Variants in DIS3L2 observed in about 807,000 individuals in gnomAD.
DIS3L2 encodes DIS3-like exonuclease 2.
DIS3L2 carries 34 observed loss-of-function variants against 97.5 expected under a neutral mutation model. The ratio of observed to expected loss-of-function variants is 0.35; its 90% CI spans 0.27 to 0.46. DIS3L2 has a LOEUF of 0.46. Ranked by LOEUF, DIS3L2 falls within the 20% of genes least tolerant of loss-of-function variation. The pLI, the probability that DIS3L2 is intolerant of heterozygous loss-of-function variation, is 1.00. For synonymous variants in DIS3L2, 435 were observed against 445.2 expected (o/e 0.98, Z 0.29); for missense variants, 1,038 against 1,146.0 (o/e 0.91, Z 1.36).
intron 12 of DIS3L2, among the ~76,000 whole-genome samples, chr2:232,255,755 T>C (rs1574975149): frequency 6.6e-6 from 1 of 152,190 alleles, no homozygotes; most frequent in East Asian, 1.9e-4. Context: ...ACATCCCTGC[T>C]GTGTGCTGTA....
chr2:232,302,887 A>T (rs1290675277), intron 14 of DIS3L2, among the ~76,000 whole-genome samples: 1 of 152,086 alleles, frequency 6.6e-6, no homozygotes, highest in Non-Finnish European at 1.5e-5. Flanking sequence ...CATCTATAGG[A>T]TGAAGTAGGA....
intron 11 of DIS3L2, among the ~76,000 whole-genome samples, chr2:232,247,613 CCGCGGGGGGGGGGGGGGGGGGGCG>C (rs1693288949): frequency 1.6e-4 from 2 of 12,380 alleles, no homozygotes; most frequent in Non-Finnish European, 3.3e-4. Context: ...CATATAACTG[CCGCGGGGGGGGGGGGGGGGGGGCG>C]GGGGGGAGGG....
At chr2:231,999,434 G>A (rs761245740) in intron 1 of DIS3L2, among the ~76,000 whole-genome samples, 6 of 152,170 alleles carry the variant, frequency 3.9e-5, no homozygotes, top group Non-Finnish European at 8.8e-5. Flanking sequence ...ATTTGTGTGC[G>A]TATATAGACG....
intron 1 of DIS3L2, among the ~76,000 whole-genome samples, chr2:231,978,979 T>A (rs1177857100): frequency 2.0e-5 from 3 of 152,234 alleles, no homozygotes; most frequent in Non-Finnish European, 4.4e-5. Flanking sequence ...TTACATATTC[T>A]GTATATTAAT....
At chr2:232,088,728 G>T (rs1462436068) in intron 6 of DIS3L2, among the ~76,000 whole-genome samples, 1 of 152,130 alleles carries the variant, frequency 6.6e-6, no homozygotes, top group Admixed American at 6.6e-5. Flanking sequence ...CAGAAAAAAA[G>T]CAGTTGTAAA....
At chr2:232,327,431 G>C (rs1049495377) in intron 14 of DIS3L2, among the ~76,000 whole-genome samples, 2 of 152,242 alleles carry the variant, frequency 1.3e-5, no homozygotes, top group African/African-American at 4.8e-5. Context: ...CGACTGCATG[G>C]GGAGAAAAGT....
At chr2:232,332,361 C>T (rs1477241606) in intron 16 of DIS3L2, among the ~76,000 whole-genome samples, 1 of 152,156 alleles carries the variant, frequency 6.6e-6, no homozygotes, top group East Asian at 1.9e-4. Flanking sequence ...GATTCCAGGG[C>T]CCGTGTGCAC....
intron 8 of DIS3L2, among the ~76,000 whole-genome samples, chr2:232,159,115 A>C (rs766865034): frequency 3.0e-4 from 46 of 152,250 alleles, no homozygotes; most frequent in African/African-American, 8.7e-4. Flanking sequence ...AGAAAAACCA[A>C]CTCTGGTTGG....
At chr2:232,335,646 C>G in intron 19 of DIS3L2, 127 bp from the exon 20 acceptor site, 1 of 1,090,032 alleles carries the variant, frequency 9.2e-7, no homozygotes, top group Non-Finnish European at 1.3e-6. Context: ...GAAGCTCCCT[C>G]CAGCCAGGCA....
chr2:232,333,159 T>TCTCCTCCTCCGCTGTCGC (rs1695804104), intron 16 of DIS3L2, among the ~76,000 whole-genome samples: 1 of 58,350 alleles, frequency 1.7e-5, no homozygotes, highest in Non-Finnish European at 3.3e-5. Flanking sequence ...ACCTCCTCCT[T>TCTCCTCCTCCGCTGTCGC]CTCCTCCTCC....
chr2:232,210,521 G>C (rs565046487), intron 10 of DIS3L2, 116 bp downstream of exon 10: 2 of 934,146 alleles, frequency 2.1e-6, no homozygotes, highest in Non-Finnish European at 3.4e-6. Flanking sequence ...GGTTTGCTTC[G>C]TGCCTGAACT....
At chr2:232,304,221 A>G (rs2106325131) in intron 14 of DIS3L2, among the ~76,000 whole-genome samples, 1 of 152,178 alleles carries the variant, frequency 6.6e-6, no homozygotes, top group East Asian at 1.9e-4. Flanking sequence ...AATCCAGTTA[A>G]TCAAGGAGTG....
chr2:232,318,231 AT>A (rs542418441), intron 14 of DIS3L2, among the ~76,000 whole-genome samples: 17 of 152,302 alleles, frequency 1.1e-4, no homozygotes, highest in Non-Finnish European at 7.4e-5. Flanking sequence ...TATATTCAGA[AT>A]TGTGTTCTGT....
chr2:231,978,554 T>C (rs1693160364), intron 1 of DIS3L2: 1 of 152,266 alleles, frequency 6.6e-6, no homozygotes, highest in South Asian at 2.1e-4. Context: ...ATATGATTTA[T>C]ATGTTTCGGT....
At chr2:232,033,451 A>T (rs4292081) in intron 5 of DIS3L2, among the ~76,000 whole-genome samples, 118,217 of 152,154 alleles carry the variant, frequency 0.78, 46,552 homozygotes, top group African/African-American at 0.89. Context: ...TTCCTGTTTG[A>T]ATACCCTTTA....
At chr2:232,296,857 G>A (rs11902674) in intron 13 of DIS3L2, among the ~76,000 whole-genome samples, 15,283 of 152,130 alleles carry the variant, frequency 0.1, 1,056 homozygotes, top group African/African-American at 0.19. Flanking sequence ...TTCTGTTCCA[G>A]TCCTCTCTCT....
chr2:232,160,101 T>C (rs1030621169), intron 8 of DIS3L2, among the ~76,000 whole-genome samples: 1 of 152,252 alleles, frequency 6.6e-6, no homozygotes, highest in East Asian at 1.9e-4. Context: ...CCTTTGGTTT[T>C]GATATCAAGG....
At chr2:232,080,452 G>A (rs1227599432) in intron 5 of DIS3L2, among the ~76,000 whole-genome samples, 1 of 152,106 alleles carries the variant, frequency 6.6e-6, no homozygotes, top group African/African-American at 2.4e-5. Flanking sequence ...AGTATGGATG[G>A]ATCCATCATT....
In DIS3L2 at chr2:232,334,699, G is replaced by A. The variant is rs1193679708; in HGVS notation, c.2358G>A (p.Val786=). Residue 786 remains valine (V), a synonymous_variant, in exon 19 of 21, where the codon GTG becomes GTA. Coordinates refer to ENST00000325385, the MANE Select transcript of DIS3L2 (RefSeq NM_152383.5). ...GILKQAFDVL[V]LRYGVQKRIY... is the part of the protein sequence containing the mutation. ...TGAAGCAAGCCTTCGACGTGCTGGT[G>A]CTGCGCTACGGCGTGCAGAAGCGCA... The A allele has an allele frequency of 1.9e-6, 3 of 1,610,256 alleles. No individual in the cohort carries two copies. The highest frequency in any genetic ancestry group is 2.5e-6 in the Non-Finnish European group (3 of 1,178,594).
Sources: allele counts gnomAD v4.1 joint callset (sites outside exome capture counted in the v4.1 genomes callset), GRCh38; gene constraint gnomAD v4.1.1; transcripts MANE v1.5; gene names NCBI Gene and HGNC (gene_info 2026-07-23, HGNC 2026-07-21).